The following FER1L6 variants were observed in gnomAD, a reference collection of about 807,000 sequenced individuals.
The protein encoded by FER1L6 is fer-1 like family member 6.
A neutral mutation model predicts 219.2 loss-of-function variants in FER1L6; 177 were observed. The observed-to-expected ratio is 0.81, with a 90% confidence interval of 0.71 to 0.91. The LOEUF (loss-of-function observed/expected upper bound fraction) is 0.91. Among genes scored for constraint, FER1L6 ranks in the 40% least tolerant of loss-of-function variants. The probability of loss-of-function intolerance (pLI) is 0.00; values close to 1 mark genes in which losing one functional copy is unlikely to be tolerated. For synonymous variants in FER1L6, 768 were observed against 824.3 expected, an observed-to-expected ratio of 0.93 and a Z score of 1.17; for missense variants, 2,153 against 2,259.9, an observed-to-expected ratio of 0.95 and a Z score of 0.96.
chr8:123,987,121 T>G (rs540415290), intron 12 of FER1L6, among the ~76,000 whole-genome samples: 1 of 152,350 alleles, frequency 6.6e-6, no homozygotes, highest in South Asian at 2.1e-4. Flanking sequence ...TTGTATTAAT[T>G]TGCATTCCCA....
chr8:123,990,468 A>T (rs1001901332), intron 12 of FER1L6, among the ~76,000 whole-genome samples: 1 of 152,030 alleles, frequency 6.6e-6, no homozygotes, highest in Non-Finnish European at 1.5e-5. Context: ...GCATTTCCCT[A>T]ATCATTAGTG....
intron 7 of FER1L6, among the ~76,000 whole-genome samples, chr8:123,974,480 A>G (rs1815958517): frequency 6.6e-6 from 1 of 151,798 alleles, no homozygotes; most frequent in Non-Finnish European, 1.5e-5. Flanking sequence ...TACTAAAAAT[A>G]CAAAAATTAG....
At chr8:124,099,859 G>C (rs1475631624) in intron 37 of FER1L6, among the ~76,000 whole-genome samples, 1 of 152,056 alleles carries the variant, frequency 6.6e-6, no homozygotes, top group East Asian at 1.9e-4. Flanking sequence ...ACCTTCTAAG[G>C]CTGCATCCTT....
intron 32 of FER1L6, among the ~76,000 whole-genome samples, chr8:124,076,610 G>C (rs1821304473): frequency 6.6e-6 from 1 of 152,090 alleles, no homozygotes; most frequent in Non-Finnish European, 1.5e-5. Context: ...CTTAAGTAGA[G>C]AAATATATAC....
intron 1 of FER1L6, among the ~76,000 whole-genome samples, chr8:123,949,274 G>A (rs1814641804): frequency 6.6e-6 from 1 of 152,120 alleles, no homozygotes; most frequent in African/African-American, 2.4e-5. Flanking sequence ...TTGTGGCTTT[G>A]ACAATCCTGC....
chr8:124,032,668 G>C (rs1819023655), intron 18 of FER1L6, among the ~76,000 whole-genome samples: 1 of 149,884 alleles, frequency 6.7e-6, no homozygotes. Flanking sequence ...TTGAGCCCAG[G>C]AGTCAGAGTT....
intron 34 of FER1L6, among the ~76,000 whole-genome samples, chr8:124,092,959 G>A (rs145427087): frequency 1.0e-3 from 152 of 151,896 alleles, no homozygotes; most frequent in African/African-American, 3.4e-3. Flanking sequence ...GGGTAGCTGG[G>A]ATTACAGGCA....
chr8:124,019,895 C>A (rs573201622), intron 16 of FER1L6, among the ~76,000 whole-genome samples: 1 of 152,190 alleles, frequency 6.6e-6, no homozygotes, highest in Admixed American at 6.5e-5. Context: ...TAAGTTGAGG[C>A]CTGAAAGATG....
chr8:124,048,594 A>G (rs1217638544), intron 21 of FER1L6, among the ~76,000 whole-genome samples: 6 of 152,252 alleles, frequency 3.9e-5, no homozygotes, highest in Non-Finnish European at 7.3e-5. Context: ...ACCAAGAAAA[A>G]TAGGGCAGGA....
rs1816566424 is a variant in FER1L6, at chr8:123,986,090, A to C, written c.1433A>C (p.Glu478Ala). ...TAGATTGTACCAGAAAAAAATGAGGAATTTTTACTCTTTGGAGCATTTTTT... is the reference window on the plus strand; with the variant it reads ...TAGATTGTACCAGAAAAAAATGAGGCATTTTTACTCTTTGGAGCATTTTTT... ...PPEIVPEKNEEFLLFGAFFEA... is the reference protein window; with the variant it reads ...PPEIVPEKNEAFLLFGAFFEA... Residue 478 changes from glutamate (E) to alanine (A), a missense_variant, in exon 12 of 41, where the codon GAA (glutamate) becomes GCA (alanine). By Grantham distance (107) the Glu-to-Ala change is moderately radical (BLOSUM62 -1). Transcript: ENST00000522917. 1 of 1,611,752 alleles carries C rather than the reference A, an allele frequency of 6.2e-7. No individual in the cohort carries two copies. Among genetic ancestry groups the C allele is most frequent in the South Asian group, 1.1e-5 (1 of 90,988 alleles).
At chr8:124,118,696 A>T in intron 39 of FER1L6, 148 bp from the exon 40 acceptor site, 1 of 707,786 alleles carries the variant, frequency 1.4e-6, no homozygotes, top group South Asian at 2.0e-5. Context: ...CCCAGGACCA[A>T]AAAAAGCAAC....
intron 12 of FER1L6, among the ~76,000 whole-genome samples, chr8:123,997,299 G>T (rs1006620676): frequency 6.6e-6 from 1 of 152,036 alleles, no homozygotes; most frequent in Non-Finnish European, 1.5e-5. Context: ...GGATAAAAGG[G>T]TTTTTGTTGT....
At chr8:124,033,107 T>C (rs952257184) in intron 18 of FER1L6, among the ~76,000 whole-genome samples, 14 of 152,190 alleles carry the variant, frequency 9.2e-5, no homozygotes, top group African/African-American at 3.4e-4. Flanking sequence ...CCTAGAATGA[T>C]AGAAGTGCTC....
intron 39 of FER1L6, among the ~76,000 whole-genome samples, chr8:124,106,741 C>G (rs6470221): frequency 0.8 from 121,294 of 152,004 alleles, 48,759 homozygotes; most frequent in Non-Finnish European, 0.86. Flanking sequence ...TCTTGACACA[C>G]TGATTTGAAC....
intron 21 of FER1L6, 100 bp from the exon 22 acceptor site, chr8:124,049,507 G>GT: frequency 7.4e-7 from 1 of 1,347,406 alleles, no homozygotes. Flanking sequence ...GAAGCTGATG[G>GT]TTTTGTGGAG....
chr8:123,942,833 C>T (rs1176441163), intron 1 of FER1L6, among the ~76,000 whole-genome samples: 1 of 152,180 alleles, frequency 6.6e-6, no homozygotes, highest in Non-Finnish European at 1.5e-5. Context: ...TTAGGGGAAC[C>T]ACTATTCAAT....
chr8:123,924,133 G>A (rs1260576530), intron 1 of FER1L6, among the ~76,000 whole-genome samples: 1 of 150,044 alleles, frequency 6.7e-6, no homozygotes, highest in Non-Finnish European at 1.5e-5. Context: ...TACTCCAGAG[G>A]CTGAGGCAGG....
intron 1 of FER1L6, among the ~76,000 whole-genome samples, chr8:123,902,899 G>A (rs570108919): frequency 6.8e-4 from 103 of 152,112 alleles, no homozygotes; most frequent in African/African-American, 2.3e-3. Context: ...TTATAGGTCC[G>A]GTGTGATTTA....
chr8:123,966,120 C>T lies in FER1L6; in HGVS notation c.253-39C>T, dbSNP rs201692857. 1.9e-3 allele frequency: 3,106 copies of T among 1,613,458 alleles called. 5 individuals are homozygous for T. The highest frequency in any genetic ancestry group is 2.4e-3 in the Non-Finnish European group (2,826 of 1,179,730). On this transcript the variant is annotated intron_variant, in intron 4 of 40. Transcript: ENST00000522917. ...CAGTGCTTCCTGTGTGCATGGATGG[C>T]GGTGTCCGGAATGGTGTCCACACTG...
Sources: gnomAD v4.1 joint callset for allele counts (sites outside exome capture counted in the v4.1 genomes callset) on GRCh38, gnomAD v4.1.1 for gene constraint, MANE v1.5 for transcripts, NCBI Gene and HGNC (gene_info 2026-07-23, HGNC 2026-07-21) for gene names.